KIF21A: variants seen among roughly 807,000 people sequenced by gnomAD.
KIF21A encodes the protein kinesin-like protein KIF21A.
A neutral mutation model predicts 202.9 loss-of-function variants in KIF21A; 114 were observed. The ratio of observed to expected loss-of-function variants is 0.56; its 90% CI spans 0.48 to 0.66. The LOEUF (loss-of-function observed/expected upper bound fraction) is 0.66, where lower values mean the gene tolerates loss of function less well. Ranked by LOEUF, KIF21A falls within the 30% of genes least tolerant of loss-of-function variation. The pLI, the probability that KIF21A is intolerant of heterozygous loss-of-function variation, is 0.00. For missense variants in KIF21A, 1,677 were observed against 1,994.9 expected, an observed-to-expected ratio of 0.84 and a Z score of 3.04; for synonymous variants, 667 against 670.8, an observed-to-expected ratio of 0.99 and a Z score of 0.09.
At chr12:39,426,300 A>G (rs1029001569) in intron 1 of KIF21A, among the ~76,000 whole-genome samples, 4 of 152,270 alleles carry the variant, frequency 2.6e-5, no homozygotes, top group African/African-American at 9.6e-5. Flanking sequence ...GGATGTTGCG[A>G]ATATGTGTGA....
At chr12:39,436,165 A>G (rs1417489573) in intron 1 of KIF21A, among the ~76,000 whole-genome samples, 1 of 151,938 alleles carries the variant, frequency 6.6e-6, no homozygotes, top group African/African-American at 2.4e-5. Flanking sequence ...TGCTTAAGGG[A>G]TTAAAATTGT....
intron 1 of KIF21A, among the ~76,000 whole-genome samples, chr12:39,388,544 A>G (rs1182329099): frequency 6.6e-6 from 1 of 152,186 alleles, no homozygotes; most frequent in East Asian, 1.9e-4. Flanking sequence ...TCCTAGGGAC[A>G]GCAAAGCCAC....
At chr12:39,322,485 T>C (rs1244805116) in intron 27 of KIF21A, 183 bp downstream of exon 27, 6 of 535,948 alleles carry the variant, frequency 1.1e-5, no homozygotes, top group Non-Finnish European at 1.9e-5. Flanking sequence ...ACAAAGGACA[T>C]CTCATCTTAA....
intron 1 of KIF21A, among the ~76,000 whole-genome samples, chr12:39,410,371 A>C (rs564114819): frequency 1.3e-5 from 2 of 151,102 alleles, no homozygotes; most frequent in Non-Finnish European, 2.9e-5. Context: ...ACAAGGATCA[A>C]TAAAAGAAGA....
rs1190648651 is a variant in KIF21A at position 39,357,363 on chromosome 12, A to G, written c.1290T>C (p.Thr430=). The G allele has an allele frequency of 6.2e-7, 1 of 1,614,070 alleles. No homozygotes were observed. Among genetic ancestry groups the G allele is most frequent in the Non-Finnish European group, 8.5e-7 (1 of 1,179,932 alleles). ...DMFHENAMLQ[T]ENNNLRVRIK... is the part of the protein sequence containing the mutation. ...TTCTTACACGCAGGTTATTATTTTC[A>G]GTCTGTAGCATAGCATTCTCATGAA... Residue 430 remains threonine, a synonymous_variant, in exon 9 of 38, where the codon ACT becomes ACC. Coordinates refer to ENST00000361418, the MANE Select transcript of KIF21A (RefSeq NM_001173464.2).
intron 1 of KIF21A, among the ~76,000 whole-genome samples, chr12:39,433,209 C>T (rs755753539): frequency 6.6e-6 from 1 of 152,116 alleles, no homozygotes; most frequent in East Asian, 1.9e-4. Context: ...ATTAGACAGG[C>T]TTACAAGATA....
At chr12:39,368,391 T>A (rs1949740125) in intron 3 of KIF21A, among the ~76,000 whole-genome samples, 1 of 152,156 alleles carries the variant, frequency 6.6e-6, no homozygotes, top group South Asian at 2.1e-4. Context: ...ATTTAAAGAA[T>A]TTTTACTACT....
intron 1 of KIF21A, among the ~76,000 whole-genome samples, chr12:39,411,307 G>A (rs555740823): frequency 6.6e-6 from 1 of 152,252 alleles, no homozygotes; most frequent in South Asian, 2.1e-4. Context: ...AGGAGCATCA[G>A]CCAAGGAGTT....
intron 26 of KIF21A, 36 bp downstream of exon 26, chr12:39,325,803 A>G: frequency 3.4e-6 from 5 of 1,469,404 alleles, no homozygotes; most frequent in Non-Finnish European, 4.8e-6. Context: ...ATAATGGTGT[A>G]AAACATGTTT....
At chr12:39,346,028 A>C (rs1947861429) in intron 12 of KIF21A, among the ~76,000 whole-genome samples, 1 of 152,064 alleles carries the variant, frequency 6.6e-6, no homozygotes, top group African/African-American at 2.4e-5. Context: ...CAAATAAAGA[A>C]GAGAGAGACA....
At chr12:39,319,131 A>T (rs1944920465) in intron 28 of KIF21A, among the ~76,000 whole-genome samples, 1 of 152,226 alleles carries the variant, frequency 6.6e-6, no homozygotes, top group East Asian at 1.9e-4. Context: ...TTTTAAATAT[A>T]TTCACATTTA....
chr12:39,398,486 A>G (rs1951924300), intron 1 of KIF21A, among the ~76,000 whole-genome samples: 1 of 152,148 alleles, frequency 6.6e-6, no homozygotes, highest in Non-Finnish European at 1.5e-5. Context: ...CTGTAGTCCC[A>G]GCTACTCAGG....
At chr12:39,434,869 A>G (rs1372879433) in intron 1 of KIF21A, among the ~76,000 whole-genome samples, 73 of 152,332 alleles carry the variant, frequency 4.8e-4, no homozygotes, top group Non-Finnish European at 1.6e-4. Context: ...GAAAGATAAA[A>G]GACTTATTTA....
chr12:39,434,037 G>T (rs1592734950), intron 1 of KIF21A, among the ~76,000 whole-genome samples: 2 of 152,096 alleles, frequency 1.3e-5, no homozygotes, highest in African/African-American at 4.8e-5. Context: ...CCCATCGTTG[G>T]TGTCCTAGTC....
rs141969313 is a variant in KIF21A at position 39,337,180 on chromosome 12, T to C, written c.2334A>G (p.Lys778=). ...KTKVRLMKQM[K]EEQEKARLTE... ...TCAGTCTGGCTTTCTCTTGTTCTTC[T>C]TTCATTTGTTTCATTAGGCGAACCT... The change falls in exon 17 of 38, where the codon AAA becomes AAG. Residue 778 remains lysine, a synonymous_variant. Coordinates refer to ENST00000361418, the MANE Select transcript of KIF21A (RefSeq NM_001173464.2). The C allele has an allele frequency of 1.4e-5, 22 of 1,611,450 alleles. No homozygotes were observed. The highest frequency in any genetic ancestry group is 1.8e-5 in the Non-Finnish European group (21 of 1,178,642).
chr12:39,349,320 T>G (rs1011941897), intron 11 of KIF21A, among the ~76,000 whole-genome samples: 2 of 152,094 alleles, frequency 1.3e-5, no homozygotes, highest in Admixed American at 6.6e-5. Context: ...TTTACAATAC[T>G]TGCTAGAGAA....
At chr12:39,337,014 C>T in intron 17 of KIF21A, 82 bp downstream of exon 17, 1 of 868,522 alleles carries the variant, frequency 1.2e-6, no homozygotes, top group Non-Finnish European at 1.9e-6. Context: ...GTTATGGTTA[C>T]CAGAAATTTT....
chr12:39,418,284 G>T (rs186282609), intron 1 of KIF21A, among the ~76,000 whole-genome samples: 1 of 152,138 alleles, frequency 6.6e-6, no homozygotes, highest in Non-Finnish European at 1.5e-5. Context: ...TCTGGACAGA[G>T]GTGATTAGTA....
At chr12:39,295,141 T>C (rs1942172720) in intron 37 of KIF21A, among the ~76,000 whole-genome samples, 1 of 152,224 alleles carries the variant, frequency 6.6e-6, no homozygotes. Flanking sequence ...ATACTCCACT[T>C]AGCACAGAAT....
Sources: gnomAD v4.1 joint callset for allele counts (sites outside exome capture counted in the v4.1 genomes callset) on GRCh38, gnomAD v4.1.1 for gene constraint, MANE v1.5 for transcripts, NCBI Gene and HGNC (gene_info 2026-07-23, HGNC 2026-07-21) for gene names.